The following FTO variants were observed in gnomAD, a reference collection of about 807,000 sequenced individuals.
The protein encoded by FTO is FTO alpha-ketoglutarate dependent dioxygenase, also known as alpha-ketoglutarate-dependent dioxygenase FTO.
Under a neutral mutation model 63.9 loss-of-function variants are expected in FTO, and 47 were observed. The ratio of observed to expected loss-of-function variants is 0.74; its 90% CI spans 0.58 to 0.94. The LOEUF (loss-of-function observed/expected upper bound fraction) is 0.94, where lower values mean the gene tolerates loss of function less well. Ranked by LOEUF, FTO falls within the 40% of genes least tolerant of loss-of-function variation. The pLI is 0.00. For missense variants in FTO, 562 were observed against 618.1 expected (o/e 0.91, Z 0.96); for synonymous variants, 207 against 224.4 (o/e 0.92, Z 0.69).
At chr16:53,964,412 T>C (rs896089989) in intron 8 of FTO, among the ~76,000 whole-genome samples, 3 of 152,224 alleles carry the variant, frequency 2.0e-5, no homozygotes, top group Non-Finnish European at 1.5e-5. Flanking sequence ...GGAAGGGTTA[T>C]GTTTAAGGGA....
chr16:53,998,885 C>T (rs533417665), intron 8 of FTO: 2 of 152,290 alleles, frequency 1.3e-5, no homozygotes, highest in East Asian at 3.9e-4. Flanking sequence ...GCATAGTCCC[C>T]ATGTATGTAA....
At chr16:53,964,119 G>T (rs2083146059) in intron 8 of FTO, among the ~76,000 whole-genome samples, 1 of 152,196 alleles carries the variant, frequency 6.6e-6, no homozygotes, top group African/African-American at 2.4e-5. Context: ...TTTAGAATGG[G>T]TTGAGCTGAT....
chr16:53,757,311 A>G (rs919978062), intron 1 of FTO, among the ~76,000 whole-genome samples: 1 of 152,082 alleles, frequency 6.6e-6, no homozygotes, highest in African/African-American at 2.4e-5. Context: ...TGTACAAGAG[A>G]TCTCTTGAAC....
rs549993979 is a variant in FTO at position 53,744,278 on chromosome 16, A to G, written c.45+40049A>G. On this transcript the variant is annotated intron_variant, in intron 1 of 8. Transcript: ENST00000471389. The stretch of plus-strand genomic sequence containing the variant: ...ACACTAAAAAGATGGGAAGGCACCT[A>G]GGCCTAGGGTTTTCTTTGAGACTGC... Among the ~76,000 whole-genome samples the G allele has an allele frequency of 2.6e-5, 4 of 152,310 alleles. No individual in the cohort carries two copies. In the East Asian group the frequency reaches 5.8e-4, roughly 22 times the overall value.
chr16:54,011,185 T>C (rs2084326142), intron 8 of FTO, among the ~76,000 whole-genome samples: 1 of 152,138 alleles, frequency 6.6e-6, no homozygotes, highest in Non-Finnish European at 1.5e-5. Flanking sequence ...ATACACAGAC[T>C]CAGAGAAAAC....
At chr16:53,999,111 C>T (rs76991296) in intron 8 of FTO, among the ~76,000 whole-genome samples, 1 of 152,158 alleles carries the variant, frequency 6.6e-6, no homozygotes, top group South Asian at 2.1e-4. Context: ...CCATGTGGAG[C>T]ACCCAAGTAA....
rs1373721645 is a variant in FTO, at chr16:53,888,821, A to G, written c.1120-11A>G. ...GTATTAAAACCACCATCTTCTCTTT[A>G]TGGTCCACAGGTCGAGTTTGAGTGG... is the stretch of plus-strand genomic sequence containing the variant. On this transcript the variant is annotated splice_polypyrimidine_tract_variant and intron_variant, in intron 6 of 8. Coordinates refer to ENST00000471389, the MANE Select transcript of FTO (RefSeq NM_001080432.3). 4 of 1,613,856 alleles carry G rather than the reference A, an allele frequency of 2.5e-6. No homozygotes were observed. The Admixed American group carries it at 6.7e-5, about 27-fold the overall frequency.
chr16:54,012,935 G>T (rs2144088569), intron 8 of FTO, among the ~76,000 whole-genome samples: 1 of 152,238 alleles, frequency 6.6e-6, no homozygotes, highest in African/African-American at 2.4e-5. Context: ...TTGTTTTCAT[G>T]CCTGCTAACA....
intron 8 of FTO, among the ~76,000 whole-genome samples, chr16:54,053,223 AC>A (rs2085351406): frequency 6.6e-6 from 1 of 152,136 alleles, no homozygotes; most frequent in Admixed American, 6.5e-5. Context: ...GCCAGCTTTC[AC>A]CTTTGCTCAT....
At chr16:53,924,037 G>A (rs756752543) in intron 7 of FTO, among the ~76,000 whole-genome samples, 3 of 152,176 alleles carry the variant, frequency 2.0e-5, no homozygotes, top group Admixed American at 1.3e-4. Context: ...AGTCATGGCT[G>A]TGATATTTTA....
chr16:53,811,417 T>C (rs1234800907), intron 2 of FTO, among the ~76,000 whole-genome samples: 2 of 152,154 alleles, frequency 1.3e-5, no homozygotes, highest in Admixed American at 1.3e-4. Context: ...GGAAGGACTT[T>C]ACCCATCTAG....
chr16:54,065,402 G>T (rs116486162), intron 8 of FTO, among the ~76,000 whole-genome samples: 1 of 151,956 alleles, frequency 6.6e-6, no homozygotes, highest in African/African-American at 2.4e-5. Flanking sequence ...GGACTCAAGC[G>T]TTCCACTCAC....
At chr16:54,004,206 G>T (rs1047485889) in intron 8 of FTO, among the ~76,000 whole-genome samples, 4 of 152,014 alleles carry the variant, frequency 2.6e-5, no homozygotes, top group Admixed American at 2.0e-4. Flanking sequence ...AGCATGGTAC[G>T]TCTTTAGGGA....
chr16:53,976,851 A>G (rs1455542905), intron 8 of FTO, among the ~76,000 whole-genome samples: 1 of 151,946 alleles, frequency 6.6e-6, no homozygotes, highest in South Asian at 2.1e-4. Flanking sequence ...GAGTTTTTGC[A>G]TTCATATAGT....
At chr16:53,789,887 AC>A (rs371773366) in intron 1 of FTO, among the ~76,000 whole-genome samples, 1 of 16,540 alleles carries the variant, frequency 6.0e-5, no homozygotes, top group Non-Finnish European at 1.0e-4. Flanking sequence ...AATTATATAT[AC>A]ATATACGTAT....
At chr16:53,828,684 A>G (rs1388313622) in intron 3 of FTO, among the ~76,000 whole-genome samples, 1 of 152,212 alleles carries the variant, frequency 6.6e-6, no homozygotes, top group Non-Finnish European at 1.5e-5. Flanking sequence ...ATGAAGTACT[A>G]TTGCTATCCT....
intron 8 of FTO, among the ~76,000 whole-genome samples, chr16:53,968,030 C>T (rs2083234130): frequency 6.6e-6 from 1 of 152,020 alleles, no homozygotes; most frequent in Non-Finnish European, 1.5e-5. Context: ...TGTGTGTGTT[C>T]ACATATTATG....
At chr16:53,985,007 T>C (rs536414205) in intron 8 of FTO, 55 of 456,050 alleles carry the variant, frequency 1.2e-4, no homozygotes, top group Non-Finnish European at 2.3e-4. Context: ...TCCTTCCAAA[T>C]AGGTGAAGTT....
At chr16:54,078,260 T>C (rs935324528) in intron 8 of FTO, among the ~76,000 whole-genome samples, 5 of 150,878 alleles carry the variant, frequency 3.3e-5, no homozygotes, top group Non-Finnish European at 7.4e-5. Flanking sequence ...TGTAAACTTA[T>C]AAACTTAGTA....
Sources: gnomAD v4.1 joint callset for allele counts (sites outside exome capture counted in the v4.1 genomes callset) on GRCh38, gnomAD v4.1.1 for gene constraint, MANE v1.5 for transcripts, NCBI Gene and HGNC (gene_info 2026-07-23, HGNC 2026-07-21) for gene names.